Variants in XYLT1 observed in about 807,000 individuals in gnomAD.
The protein encoded by XYLT1 is xylosyltransferase 1.
A neutral mutation model predicts 91.3 loss-of-function variants in XYLT1; 36 were observed. The observed-to-expected ratio is 0.39, with a 90% CI of 0.30 to 0.52. XYLT1 has a LOEUF of 0.52. Among genes scored for constraint, XYLT1 ranks in the 20% least tolerant of loss-of-function variants. XYLT1 has a pLI of 0.68. For synonymous variants in XYLT1, 588 were observed against 532.0 expected (o/e 1.11, Z -1.45); for missense variants, 1,242 against 1,284.5 (o/e 0.97, Z 0.51).
At chr16:17,328,054 G>T (rs896898229) in intron 2 of XYLT1, among the ~76,000 whole-genome samples, 6 of 152,102 alleles carry the variant, frequency 3.9e-5, no homozygotes, top group African/African-American at 1.4e-4. Context: ...TGAATTAATT[G>T]CAGGAGTAAA....
intron 2 of XYLT1, among the ~76,000 whole-genome samples, chr16:17,322,421 C>T (rs567650172): frequency 1.1e-4 from 16 of 152,246 alleles, no homozygotes; most frequent in African/African-American, 3.1e-4. Flanking sequence ...CATCCTGGGA[C>T]GCTGAGACAG....
At position 17,106,562 on chromosome 16, in the gene XYLT1, CGCATGAAT is replaced by C. The variant is rs2141473809; in HGVS notation, c.*2125_*2132del. The C allele has an allele frequency of 6.6e-6, 1 of 152,298 alleles. No homozygotes were observed. The highest frequency in any genetic ancestry group is 2.1e-4 in the South Asian group (1 of 4,826). 9.4% of individuals were successfully genotyped at this position (152,298 alleles called of 1,614,324 possible). On this transcript the variant is annotated 3_prime_UTR_variant, in exon 12 of 12. Coordinates refer to ENST00000261381, the MANE Select transcript of XYLT1 (RefSeq NM_022166.4). Reference sequence around the variant, plus strand: ...GGAGCCTGTTTCCCTCTGTTAAGGTCGCATGAATGCCCATAATTAGATGGGCCATGGGA... The same window carrying C: ...GGAGCCTGTTTCCCTCTGTTAAGGTCGCCCATAATTAGATGGGCCATGGGA...
intron 9 of XYLT1, among the ~76,000 whole-genome samples, chr16:17,129,093 A>G (rs796365263): frequency 2.0e-5 from 3 of 150,916 alleles, no homozygotes; most frequent in African/African-American, 4.9e-5. Flanking sequence ...AAAAAAAAAA[A>G]AAAACTTGAA....
At chr16:17,232,438 T>C (rs1201976754) in intron 3 of XYLT1, among the ~76,000 whole-genome samples, 1 of 128,202 alleles carries the variant, frequency 7.8e-6, no homozygotes, top group East Asian at 2.1e-4. Context: ...TGTATATATA[T>C]ATATATATAT....
At chr16:17,239,265 C>A (rs1168787428) in intron 3 of XYLT1, among the ~76,000 whole-genome samples, 1 of 151,392 alleles carries the variant, frequency 6.6e-6, no homozygotes, top group Non-Finnish European at 1.5e-5. Flanking sequence ...ACTCACCCAC[C>A]CAGTCCATCC....
intron 3 of XYLT1, among the ~76,000 whole-genome samples, chr16:17,257,418 G>A (rs2033650487): frequency 6.6e-6 from 1 of 152,166 alleles, no homozygotes; most frequent in Admixed American, 6.5e-5. Context: ...TCGTGGGAAG[G>A]TGCCTTTTGG....
chr16:17,141,143 A>T lies in XYLT1; in HGVS notation c.1587+10T>A. 1.2e-6 allele frequency: 2 copies of T among 1,610,664 alleles called. No individual in the cohort carries two copies. Among genetic ancestry groups the T allele is most frequent in the Non-Finnish European group, 1.7e-6 (2 of 1,177,328 alleles). On this transcript the variant is annotated intron_variant, in intron 7 of 11. Coordinates refer to ENST00000261381, the MANE Select transcript of XYLT1 (RefSeq NM_022166.4). ...CTATCTTTCTTGGGAAAATTTTCCC[A>T]GATACTCACCTCAGCAGGAAGCAGG...
chr16:17,295,708 C>T (rs4780699), intron 2 of XYLT1, among the ~76,000 whole-genome samples: 69,504 of 151,998 alleles, frequency 0.46, 18,046 homozygotes, highest in African/African-American at 0.7. Flanking sequence ...GACATCTTGC[C>T]ATGTCTGGAG....
chr16:17,443,044 G>A (rs1012273354), intron 1 of XYLT1, among the ~76,000 whole-genome samples: 4 of 152,110 alleles, frequency 2.6e-5, no homozygotes, highest in South Asian at 2.1e-4. Context: ...GGAGCAGACC[G>A]CTTGGGTGCA....
chr16:17,316,116 G>A (rs573305632), intron 2 of XYLT1, among the ~76,000 whole-genome samples: 6 of 152,236 alleles, frequency 3.9e-5, no homozygotes, highest in African/African-American at 7.2e-5. Flanking sequence ...TATTCTCCCC[G>A]AAGCGCACAG....
chr16:17,161,199 C>T (rs928747646), intron 5 of XYLT1, among the ~76,000 whole-genome samples: 1 of 152,210 alleles, frequency 6.6e-6, no homozygotes, highest in African/African-American at 2.4e-5. Flanking sequence ...TTTACCGCTT[C>T]ACCGAGTCCC....
At chr16:17,133,019 G>T (rs1462443469) in intron 9 of XYLT1, among the ~76,000 whole-genome samples, 1 of 152,174 alleles carries the variant, frequency 6.6e-6, no homozygotes, top group Non-Finnish European at 1.5e-5. Context: ...TGAGGAAACC[G>T]AAGCTCAGAG....
At chr16:17,398,706 G>A (rs1247701077) in intron 1 of XYLT1, among the ~76,000 whole-genome samples, 1 of 151,886 alleles carries the variant, frequency 6.6e-6, no homozygotes, top group Admixed American at 6.6e-5. Flanking sequence ...GGCTTCTGGT[G>A]GTCTGCTGGG....
chr16:17,326,885 T>A (rs765116244), intron 2 of XYLT1, among the ~76,000 whole-genome samples: 1 of 151,632 alleles, frequency 6.6e-6, no homozygotes, highest in Non-Finnish European at 1.5e-5. Flanking sequence ...GGACCTCTTA[T>A]GCAAAATTAA....
chr16:17,194,746 G>A (rs1013250635), intron 5 of XYLT1, among the ~76,000 whole-genome samples: 2 of 152,184 alleles, frequency 1.3e-5, no homozygotes, highest in Non-Finnish European at 2.9e-5. Context: ...GCAACCAGAC[G>A]AAACTGGTTC....
chr16:17,127,930 C>T (rs974264734), intron 9 of XYLT1, 69 bp from the exon 10 acceptor site: 1 of 1,482,292 alleles, frequency 6.7e-7, no homozygotes, highest in African/African-American at 1.4e-5. Context: ...CCCCACCCAC[C>T]AAGCTAGTTT....
intron 5 of XYLT1, among the ~76,000 whole-genome samples, chr16:17,197,878 A>C (rs1337435462): frequency 3.9e-5 from 6 of 152,156 alleles, no homozygotes. Flanking sequence ...AATACTCCTT[A>C]ATAAACTCCT....
At chr16:17,187,701 A>G (rs978707588) in intron 5 of XYLT1, among the ~76,000 whole-genome samples, 3 of 151,616 alleles carry the variant, frequency 2.0e-5, no homozygotes, top group African/African-American at 7.3e-5. Flanking sequence ...GCTGGAGTAC[A>G]ATGGCGTGAT....
chr16:17,256,664 A>T (rs2141755080), intron 3 of XYLT1, among the ~76,000 whole-genome samples: 1 of 151,842 alleles, frequency 6.6e-6, no homozygotes, highest in South Asian at 2.1e-4. Flanking sequence ...AAAAAACAAA[A>T]AAAAGAGTAG....
Sources: allele counts gnomAD v4.1 joint callset (sites outside exome capture counted in the v4.1 genomes callset), GRCh38; gene constraint gnomAD v4.1.1; transcripts MANE v1.5; gene names NCBI Gene and HGNC (gene_info 2026-07-23, HGNC 2026-07-21).